The following PREX1 variants were observed in gnomAD, a reference collection of about 807,000 sequenced individuals.
PREX1 encodes phosphatidylinositol 3,4,5-trisphosphate-dependent Rac exchanger 1 protein.
A neutral mutation model predicts 198.3 loss-of-function variants in PREX1; 41 were observed. The observed-to-expected ratio is 0.21, with a 90% CI of 0.16 to 0.27. The LOEUF (loss-of-function observed/expected upper bound fraction) is 0.27. PREX1 is among the 10% of genes least tolerant of loss of function. PREX1 has a pLI of 1.00. For missense variants in PREX1, 1,620 were observed against 2,200.7 expected, an observed-to-expected ratio of 0.74 and a Z score of 5.28; for synonymous variants, 843 against 887.2, an observed-to-expected ratio of 0.95 and a Z score of 0.89.
rs1330044262 is a variant in PREX1 at position 48,659,270 on chromosome 20, G to A, written c.1881+649C>T. Reference sequence around the variant, plus strand: ...GAAGGAAGGAAGGAAGGACGGGCACGAGAGAGAGAGAGAAAGAAGAAAAGA... The same window carrying A: ...GAAGGAAGGAAGGAAGGACGGGCACAAGAGAGAGAGAGAAAGAAGAAAAGA... On this transcript the variant is annotated intron_variant, in intron 16 of 39. Transcript: ENST00000371941. Among the ~76,000 whole-genome samples the A allele has an allele frequency of 5.5e-5, 6 of 108,430 alleles. No individual in the cohort carries two copies. The East Asian group carries it at 8.6e-4, about 16-fold the overall frequency. 71.1% of individuals were successfully genotyped at this position (108,430 alleles called of 152,430 possible).
intron 14 of PREX1, among the ~76,000 whole-genome samples, chr20:48,673,370 T>G (rs1601065673): frequency 6.6e-6 from 1 of 152,282 alleles, no homozygotes; most frequent in South Asian, 2.1e-4. Context: ...CTCTTCTATC[T>G]CCAAATACCT....
chr20:48,636,675 G>A lies in PREX1; in HGVS notation c.3955C>T (p.Leu1319=), dbSNP rs1246015784. 6.2e-7 allele frequency: 1 copy of A among 1,603,788 alleles called. No homozygotes were observed. Among genetic ancestry groups the A allele is most frequent in the East Asian group, 2.2e-5 (1 of 44,534 alleles). Residue 1319 remains leucine, a synonymous_variant, in exon 32 of 40, where the codon CTG becomes TTG. Transcript: ENST00000371941. ...LALLKCTDTE[L]QLRRDAIFCQ... is the part of the protein sequence containing the mutation. Reference sequence around the variant, plus strand: ...AAGATCGCGTCTCTGCGCAGCTGCAGCTCCGTGTCTGGGGGCAGAGGGCAG... The same window carrying A: ...AAGATCGCGTCTCTGCGCAGCTGCAACTCCGTGTCTGGGGGCAGAGGGCAG...
At chr20:48,719,207 A>C (rs2089974906) in intron 5 of PREX1, among the ~76,000 whole-genome samples, 1 of 152,226 alleles carries the variant, frequency 6.6e-6, no homozygotes, top group African/African-American at 2.4e-5. Context: ...AAGAGAAAGT[A>C]GAATCCAGGT....
chr20:48,732,280 C>A (rs1004496365), intron 4 of PREX1, among the ~76,000 whole-genome samples: 1 of 152,108 alleles, frequency 6.6e-6, no homozygotes, highest in Non-Finnish European at 1.5e-5. Context: ...TGGAGCCGGG[C>A]CAAGCAACAT....
In PREX1 at chr20:48,691,664, A is replaced by G. The variant is rs551627193; in HGVS notation, c.1037-568T>C. 6.6e-6 allele frequency among the ~76,000 whole-genome samples: 1 copy of G among 152,218 alleles called. No individual in the cohort carries two copies. The highest frequency in any genetic ancestry group is 1.5e-5 in the Non-Finnish European group (1 of 68,044). On this transcript the variant is annotated intron_variant, in intron 8 of 39. Coordinates refer to ENST00000371941, the MANE Select transcript of PREX1 (RefSeq NM_020820.4). The surrounding 1 kb of genome is among the most constrained non-coding windows in gnomAD (Gnocchi z 5.0). The stretch of plus-strand genomic sequence containing the variant: ...TCTGGACAAGCTCAAAAGCACACAT[A>G]CTAGGAGATGCTCACATGAGCCATC...
In PREX1 at chr20:48,645,833, CCT is replaced by C; in HGVS notation, c.3512+16_3512+17del. The C allele has an allele frequency of 1.9e-6, 3 of 1,612,906 alleles. No homozygotes were observed. Among genetic ancestry groups the C allele is most frequent in the East Asian group, 4.5e-5 (2 of 44,842 alleles). On this transcript the variant is annotated intron_variant, in intron 26 of 39. Transcript: ENST00000371941. ...GGCCATCCTCATCTAACCTCAGCCC[CCT>C]GACGGTGACACCCACCTGTAGGAGT... is the stretch of plus-strand genomic sequence containing the variant.
chr20:48,774,292 G>A (rs1461937627), intron 1 of PREX1, among the ~76,000 whole-genome samples: 1 of 152,258 alleles, frequency 6.6e-6, no homozygotes, highest in African/African-American at 2.4e-5. Flanking sequence ...AAGGCTGCCT[G>A]GAGGAGGACA....
intron 1 of PREX1, among the ~76,000 whole-genome samples, chr20:48,821,378 A>C (rs2090483967): frequency 1.3e-5 from 2 of 152,150 alleles, no homozygotes; most frequent in South Asian, 4.2e-4. Flanking sequence ...CACCTGCAAA[A>C]CAAGGAGATT....
intron 14 of PREX1, among the ~76,000 whole-genome samples, chr20:48,675,823 G>T (rs1415307932): frequency 6.6e-6 from 1 of 152,188 alleles, no homozygotes; most frequent in Non-Finnish European, 1.5e-5. Context: ...CAGATCACAA[G>T]GTCAGGAGTT....
intron 5 of PREX1, among the ~76,000 whole-genome samples, chr20:48,717,593 A>T (rs1324939157): frequency 6.6e-6 from 1 of 152,176 alleles, no homozygotes; most frequent in Non-Finnish European, 1.5e-5. Flanking sequence ...TTGCAAAAAA[A>T]AACCCACAAA....
chr20:48,829,860 T>G (rs2090532966), upstream of PREX1, among the ~76,000 whole-genome samples: 1 of 152,182 alleles, frequency 6.6e-6, no homozygotes, highest in Non-Finnish European at 1.5e-5. Flanking sequence ...ACGTTATTTC[T>G]CTGGGCCTCA....
the PREX1 span, among the ~76,000 whole-genome samples, chr20:48,840,378 T>G: frequency 6.6e-6 from 1 of 152,100 alleles, no homozygotes; most frequent in African/African-American, 2.4e-5. Context: ...ATATTCTATT[T>G]ATCCATTTCC....
Position 48,702,208 on chromosome 20 carries a change from A to G in PREX1, c.784-1322T>C, listed in dbSNP as rs1369262023. Among the ~76,000 whole-genome samples, 302 of 143,324 alleles carry G rather than the reference A, an allele frequency of 2.1e-3. 2 individuals are homozygous for G. The highest frequency in any genetic ancestry group is 7.4e-3 in the African/African-American group (275 of 37,074). 94.0% of individuals were successfully genotyped at this position (143,324 alleles called of 152,430 possible). ...GGGCGACTGAGCAGGACTCTGTCTA[A>G]AAAAAAAAAAAAAAAAGATAAAGAG... is the stretch of plus-strand genomic sequence containing the variant. On this transcript the variant is annotated intron_variant, in intron 6 of 39. Coordinates refer to ENST00000371941, the MANE Select transcript of PREX1 (RefSeq NM_020820.4).
intron 16 of PREX1, among the ~76,000 whole-genome samples, chr20:48,658,813 A>G (rs2089565976): frequency 6.6e-6 from 1 of 152,156 alleles, no homozygotes; most frequent in Non-Finnish European, 1.5e-5. Context: ...GTGCTATCGG[A>G]GCTGAGGCCT....
Position 48,688,683 on chromosome 20 carries a change from G to A in PREX1, c.1308C>T (p.Ser436=), listed in dbSNP as rs1176679003. Residue 436 remains serine, a synonymous_variant, in exon 10 of 40, where the codon AGC becomes AGT. Transcript: ENST00000371941. The stretch of plus-strand genomic sequence containing the variant: ...TGCCAAGAAAGCACTTGGGGACAGT[G>A]CTCAGCTTTCTCCGGCGGTCCTTGA... ...NLIKDRRRKL[S]TVPKCFLGNE... 1.6e-5 allele frequency: 26 copies of A among 1,614,052 alleles called. No individual in the cohort carries two copies. The highest frequency in any genetic ancestry group is 2.2e-5 in the Non-Finnish European group (26 of 1,180,026).
chr20:48,880,446 C>T, the PREX1 span, among the ~76,000 whole-genome samples: 1 of 152,182 alleles, frequency 6.6e-6, no homozygotes, highest in African/African-American at 2.4e-5. Context: ...ATTGAGGATA[C>T]GATCTCTTTC....
At chr20:48,812,857 AG>A (rs1290500404) in intron 1 of PREX1, among the ~76,000 whole-genome samples, 4 of 152,250 alleles carry the variant, frequency 2.6e-5, no homozygotes, top group African/African-American at 9.6e-5. Context: ...CAGTGACACG[AG>A]GAAGTATGCA....
At chr20:48,626,628 T>A (rs2089274664) in intron 39 of PREX1, among the ~76,000 whole-genome samples, 1 of 152,170 alleles carries the variant, frequency 6.6e-6, no homozygotes. Context: ...AGGAACCACG[T>A]GCCACTCGTG....
intron 1 of PREX1, among the ~76,000 whole-genome samples, chr20:48,808,565 G>A (rs563282183): frequency 6.6e-6 from 1 of 152,136 alleles, no homozygotes; most frequent in African/African-American, 2.4e-5. Flanking sequence ...CGCACAAGTA[G>A]CCAGAGGGAT....
Sources: gnomAD v4.1 joint callset for allele counts (sites outside exome capture counted in the v4.1 genomes callset) on GRCh38, gnomAD v4.1.1 for gene constraint, Gnocchi (gnomAD v3.1) non-coding constraint, MANE v1.5 for transcripts, NCBI Gene and HGNC (gene_info 2026-07-23, HGNC 2026-07-21) for gene names.